DAB1: variants seen among roughly 807,000 people sequenced by gnomAD.
The protein encoded by DAB1 is DAB adaptor protein 1, also known as disabled homolog 1.
A neutral mutation model predicts 64.6 loss-of-function variants in DAB1; 15 were observed. That is an observed-to-expected ratio of 0.23 (90% CI 0.16 to 0.36). The LOEUF is 0.36. Ranked by LOEUF, DAB1 falls within the 10% of genes least tolerant of loss-of-function variation. The pLI, the probability that DAB1 is intolerant of heterozygous loss-of-function variation, is 1.00. For synonymous variants in DAB1, 235 were observed against 251.9 expected (o/e 0.93, Z 0.64); for missense variants, 596 against 706.7 (o/e 0.84, Z 1.78).
intron 1 of DAB1, among the ~76,000 whole-genome samples, chr1:57,846,471 A>C (rs1357934525): frequency 6.6e-6 from 1 of 151,732 alleles, no homozygotes; most frequent in African/African-American, 2.4e-5. Flanking sequence ...AAAAAAAAAA[A>C]AAAAATCAAT....
intron 3 of DAB1, among the ~76,000 whole-genome samples, chr1:58,494,654 A>G (rs926967324): frequency 9.2e-5 from 14 of 152,290 alleles, no homozygotes; most frequent in Non-Finnish European, 1.8e-4. Context: ...TGCAGCCAAA[A>G]GACACATGAA....
chr1:58,171,827 G>A (rs1388956921), intron 4 of DAB1, among the ~76,000 whole-genome samples: 1 of 152,190 alleles, frequency 6.6e-6, no homozygotes, highest in Non-Finnish European at 1.5e-5. Context: ...TGCTACTCTA[G>A]ATATCTTGAA....
chr1:58,375,606 C>T (rs1644316365), intron 3 of DAB1, among the ~76,000 whole-genome samples: 2 of 148,130 alleles, frequency 1.4e-5, no homozygotes, highest in East Asian at 3.9e-4. Flanking sequence ...AAGATTTTTG[C>T]ATCAATGTTC....
intron 1 of DAB1, among the ~76,000 whole-genome samples, chr1:57,301,148 TA>T (rs1469562276): frequency 6.6e-6 from 1 of 151,996 alleles, no homozygotes; most frequent in African/African-American, 2.4e-5. Flanking sequence ...ACACAGTCAT[TA>T]AATCACAGGT....
At chr1:58,340,135 G>C (rs776734192) in intron 4 of DAB1, among the ~76,000 whole-genome samples, 3 of 152,140 alleles carry the variant, frequency 2.0e-5, no homozygotes, top group Non-Finnish European at 4.4e-5. Context: ...ATACATTCTG[G>C]TGCTTTTCTA....
chr1:57,441,406 A>G (rs1570523307), intron 7 of DAB1, among the ~76,000 whole-genome samples: 1 of 144,534 alleles, frequency 6.9e-6, no homozygotes, highest in African/African-American at 2.6e-5. Flanking sequence ...GAGAGGCTGG[A>G]GTGTACTGAC....
chr1:58,250,282 C>G (rs1250173341), intron 4 of DAB1, among the ~76,000 whole-genome samples: 1 of 152,234 alleles, frequency 6.6e-6, no homozygotes, highest in Non-Finnish European at 1.5e-5. Flanking sequence ...GCCCTCTCGA[C>G]TCATCCTCCG....
At chr1:58,492,051 TATAAC>T (rs1327773368) in intron 3 of DAB1, among the ~76,000 whole-genome samples, 1 of 151,900 alleles carries the variant, frequency 6.6e-6, no homozygotes, top group African/African-American at 2.4e-5. Flanking sequence ...GAACAGAAAG[TATAAC>T]AAACTGTCTC....
chr1:58,082,081 C>T (rs1400704970), intron 5 of DAB1, among the ~76,000 whole-genome samples: 2 of 152,184 alleles, frequency 1.3e-5, no homozygotes, highest in Non-Finnish European at 1.5e-5. Context: ...CAGAGAAGGA[C>T]CATGACTTGC....
At chr1:57,830,910 TTTTA>T (rs1652555150) in intron 1 of DAB1, among the ~76,000 whole-genome samples, 2 of 152,084 alleles carry the variant, frequency 1.3e-5, no homozygotes, top group Non-Finnish European at 2.9e-5. Flanking sequence ...GCTTATTTTA[TTTTA>T]TTTATTTCTT....
chr1:57,041,894 C>G (rs1014749219), intron 9 of DAB1, among the ~76,000 whole-genome samples: 12 of 152,134 alleles, frequency 7.9e-5, no homozygotes, highest in Non-Finnish European at 1.3e-4. Context: ...GAAACAGAGA[C>G]CTTCAACTTT....
At chr1:57,555,894 T>C (rs1226166741) in intron 7 of DAB1, among the ~76,000 whole-genome samples, 1 of 152,172 alleles carries the variant, frequency 6.6e-6, no homozygotes, top group Non-Finnish European at 1.5e-5. Flanking sequence ...TCCTTTACAT[T>C]CTATTTAAAA....
chr1:57,141,863 C>T (rs991221756), intron 3 of DAB1, among the ~76,000 whole-genome samples: 2 of 152,104 alleles, frequency 1.3e-5, no homozygotes, highest in Non-Finnish European at 2.9e-5. Flanking sequence ...AACGCAAATA[C>T]AAAACAGAAT....
At chr1:57,349,758 G>A (rs936978153) in intron 1 of DAB1, among the ~76,000 whole-genome samples, 6 of 152,068 alleles carry the variant, frequency 3.9e-5, no homozygotes, top group African/African-American at 1.4e-4. Context: ...TCCTAGCGGG[G>A]GAAATCAAAA....
chr1:57,261,659 T>C (rs931799848), intron 2 of DAB1, among the ~76,000 whole-genome samples: 1 of 152,124 alleles, frequency 6.6e-6, no homozygotes, highest in Non-Finnish European at 1.5e-5. Flanking sequence ...ACCTGGCACA[T>C]AGTAAGCACT....
At chr1:57,251,025 C>T (rs1669297719) in intron 2 of DAB1, among the ~76,000 whole-genome samples, 1 of 152,154 alleles carries the variant, frequency 6.6e-6, no homozygotes, top group Non-Finnish European at 1.5e-5. Flanking sequence ...TGTGGGAAAG[C>T]ACAGCATTAT....
chr1:57,393,157 T>G (rs150120767), intron 1 of DAB1, among the ~76,000 whole-genome samples: 154 of 152,296 alleles, frequency 1.0e-3, no homozygotes, highest in Non-Finnish European at 1.8e-3. Flanking sequence ...GCAAGCTAAT[T>G]CTTTGGCCTT....
chr1:57,079,359 A>G (rs935022067), intron 4 of DAB1, among the ~76,000 whole-genome samples: 1 of 152,036 alleles, frequency 6.6e-6, no homozygotes, highest in African/African-American at 2.4e-5. Flanking sequence ...TCACCTTCCA[A>G]GTACCTTTTG....
intron 6 of DAB1, among the ~76,000 whole-genome samples, chr1:57,804,127 T>C (rs1569735193): frequency 1.3e-5 from 2 of 152,158 alleles, no homozygotes; most frequent in Admixed American, 6.5e-5. Flanking sequence ...ATCAAAAATA[T>C]GTATTACAGA....
Sources: gnomAD v4.1 joint callset for allele counts (sites outside exome capture counted in the v4.1 genomes callset) on GRCh38, gnomAD v4.1.1 for gene constraint, MANE v1.5 for transcripts, NCBI Gene and HGNC (gene_info 2026-07-23, HGNC 2026-07-21) for gene names.